The following TMEM132D variants were observed in gnomAD, a reference collection of about 807,000 sequenced individuals.
TMEM132D encodes the protein transmembrane protein 132D.
In TMEM132D, 21 loss-of-function variants were observed where a neutral mutation model predicts 62.3. That is an observed-to-expected ratio of 0.34 (90% CI 0.24 to 0.49). The LOEUF (loss-of-function observed/expected upper bound fraction) is 0.49, where lower values mean the gene tolerates loss of function less well. TMEM132D is among the 20% of genes least tolerant of loss of function. The pLI, the probability that TMEM132D is intolerant of heterozygous loss-of-function variation, is 0.99. For synonymous variants in TMEM132D, 621 were observed against 575.6 expected (o/e 1.08, Z -1.13); for missense variants, 1,346 against 1,402.8 (o/e 0.96, Z 0.65).
chr12:129,610,470 C>T (rs1878742895), intron 2 of TMEM132D, among the ~76,000 whole-genome samples: 1 of 152,152 alleles, frequency 6.6e-6, no homozygotes. Context: ...AGCTTCACTT[C>T]TACTTTCATC....
At chr12:129,818,627 G>T (rs1872448961) in intron 1 of TMEM132D, among the ~76,000 whole-genome samples, 1 of 151,766 alleles carries the variant, frequency 6.6e-6, no homozygotes. Flanking sequence ...GTGGTGTAGG[G>T]GGTGTGTTTA....
At chr12:129,173,657 T>C (rs1232869376) in intron 5 of TMEM132D, among the ~76,000 whole-genome samples, 1 of 152,238 alleles carries the variant, frequency 6.6e-6, no homozygotes, top group Non-Finnish European at 1.5e-5. Flanking sequence ...CTCAATTTCC[T>C]CTCAGATTCT....
At chr12:129,695,713 C>G (rs904504039) in intron 2 of TMEM132D, among the ~76,000 whole-genome samples, 1 of 152,238 alleles carries the variant, frequency 6.6e-6, no homozygotes, top group African/African-American at 2.4e-5. Context: ...GCACAGCCAG[C>G]TAGTAGACAG....
At chr12:129,239,211 G>A (rs1230608695) in intron 4 of TMEM132D, among the ~76,000 whole-genome samples, 1 of 152,076 alleles carries the variant, frequency 6.6e-6, no homozygotes, top group African/African-American at 2.4e-5. Flanking sequence ...GCTGTAGTTG[G>A]AGGAATTATT....
chr12:129,202,303 T>A (rs990841383), intron 5 of TMEM132D, among the ~76,000 whole-genome samples: 4 of 152,190 alleles, frequency 2.6e-5, no homozygotes, highest in African/African-American at 9.7e-5. Flanking sequence ...GCTTTCTTTC[T>A]TAACAGCCTC....
In TMEM132D at chr12:129,141,528, G is replaced by A. The variant is rs149629182; in HGVS notation, c.1444-56826C>T. Among the ~76,000 whole-genome samples the A allele has an allele frequency of 9.4e-3, 1,436 of 152,298 alleles. 35 individuals are homozygous for A. The highest frequency in any genetic ancestry group is 0.051 in the Admixed American group (784 of 15,304). On this transcript the variant is annotated intron_variant, in intron 5 of 8. Transcript: ENST00000422113. ...TATTTAGATTTGGTGGTCCAGGAAG[G>A]TTCCTTGGGGGAGTGCCAGTAGGAA...
At chr12:129,756,991 C>T (rs1870188486) in intron 1 of TMEM132D, among the ~76,000 whole-genome samples, 1 of 152,170 alleles carries the variant, frequency 6.6e-6, no homozygotes, top group Non-Finnish European at 1.5e-5. Flanking sequence ...ACCTTTCCAA[C>T]CAATGCTATT....
chr12:129,714,644 TTCAC>T, intron 1 of TMEM132D, among the ~76,000 whole-genome samples: 1 of 152,348 alleles, frequency 6.6e-6, no homozygotes, highest in East Asian at 1.9e-4. Context: ...TTGGTAATAT[TTCAC>T]AGTGTATATG....
intron 5 of TMEM132D, among the ~76,000 whole-genome samples, chr12:129,172,561 A>G (rs1416836428): frequency 1.3e-5 from 2 of 152,144 alleles, no homozygotes; most frequent in African/African-American, 2.4e-5. Context: ...CTTAGAGGCC[A>G]CTGTATTAAT....
chr12:129,505,074 G>C (rs1593041598), intron 3 of TMEM132D, among the ~76,000 whole-genome samples: 2 of 152,282 alleles, frequency 1.3e-5, no homozygotes, highest in Non-Finnish European at 2.9e-5. Flanking sequence ...TGGTCTGAGA[G>C]AGTGATTGAT....
chr12:129,629,654 G>A (rs916174018), intron 2 of TMEM132D, among the ~76,000 whole-genome samples: 11 of 146,802 alleles, frequency 7.5e-5, no homozygotes, highest in African/African-American at 2.6e-4. Flanking sequence ...AGGCCCAACA[G>A]TTAATGCCTA....
chr12:129,833,026 G>C (rs1283753768), intron 1 of TMEM132D, among the ~76,000 whole-genome samples: 1 of 152,138 alleles, frequency 6.6e-6, no homozygotes. Flanking sequence ...GATGCCTCTC[G>C]CAAATTACAA....
At chr12:129,455,037 G>A (rs1211234049) in intron 3 of TMEM132D, among the ~76,000 whole-genome samples, 2 of 152,228 alleles carry the variant, frequency 1.3e-5, no homozygotes, top group Non-Finnish European at 2.9e-5. Flanking sequence ...TGGTACTTCT[G>A]CAGCAGACAG....
intron 1 of TMEM132D, among the ~76,000 whole-genome samples, chr12:129,877,613 G>GCACA (rs141592866): frequency 0.11 from 15,860 of 144,016 alleles, 994 homozygotes; most frequent in South Asian, 0.15. Flanking sequence ...GCGCGCGCGC[G>GCACA]CACACACACA....
chr12:129,312,340 G>C (rs924987135), intron 4 of TMEM132D, among the ~76,000 whole-genome samples: 1 of 152,060 alleles, frequency 6.6e-6, no homozygotes, highest in Admixed American at 6.6e-5. Flanking sequence ...AAAACACTTA[G>C]GGAAAATAAA....
intron 1 of TMEM132D, among the ~76,000 whole-genome samples, chr12:129,701,894 C>T (rs1338966700): frequency 6.6e-6 from 1 of 152,206 alleles, no homozygotes; most frequent in Non-Finnish European, 1.5e-5. Flanking sequence ...GAGTCAGGAC[C>T]CTTCTTGGCA....
At chr12:129,438,769 A>G (rs1872859385) in intron 3 of TMEM132D, among the ~76,000 whole-genome samples, 1 of 152,142 alleles carries the variant, frequency 6.6e-6, no homozygotes, top group African/African-American at 2.4e-5. Flanking sequence ...TGTACATGGG[A>G]TAGCTCAGTG....
intron 2 of TMEM132D, among the ~76,000 whole-genome samples, chr12:129,580,751 A>ATTC (rs1565911105): frequency 2.6e-5 from 4 of 151,688 alleles, no homozygotes; most frequent in African/African-American, 9.7e-5. Flanking sequence ...ATAAATAAAT[A>ATTC]AATAAATCAC....
chr12:129,412,403 A>C (rs762741951), intron 3 of TMEM132D, among the ~76,000 whole-genome samples: 1 of 152,214 alleles, frequency 6.6e-6, no homozygotes, highest in Non-Finnish European at 1.5e-5. Flanking sequence ...AAAGCAAACA[A>C]CAAGTGCCCT....
Sources: allele counts gnomAD v4.1 joint callset (sites outside exome capture counted in the v4.1 genomes callset), GRCh38; gene constraint gnomAD v4.1.1; transcripts MANE v1.5; gene names NCBI Gene and HGNC (gene_info 2026-07-23, HGNC 2026-07-21).